DLGAP2: variants seen among roughly 807,000 people sequenced by gnomAD.
DLGAP2 encodes the protein DLG associated protein 2.
Under a neutral mutation model 100.3 loss-of-function variants are expected in DLGAP2, and 26 were observed. The observed-to-expected ratio is 0.26, with a 90% CI of 0.19 to 0.36. DLGAP2 has a LOEUF of 0.36. Ranked by LOEUF, DLGAP2 falls within the 10% of genes least tolerant of loss-of-function variation. The probability of loss-of-function intolerance (pLI) is 1.00; values close to 1 mark genes in which losing one functional copy is unlikely to be tolerated. For missense variants in DLGAP2, 1,858 were observed against 1,453.2 expected, an observed-to-expected ratio of 1.28 and a Z score of -4.53; for synonymous variants, 886 against 630.1, an observed-to-expected ratio of 1.41 and a Z score of -6.08.
chr8:1,487,525 C>G lies in DLGAP2; in HGVS notation c.107-13841C>G, dbSNP rs566559865. On this transcript the variant is annotated intron_variant, in intron 3 of 14. Coordinates refer to ENST00000637795, the MANE Select transcript of DLGAP2 (RefSeq NM_001346810.2). ...TTCCATTCTGTAGGACAACTGAATG[C>G]AGGTTTAAAACAGTGCTACTGAAGT... Among the ~76,000 whole-genome samples, 18 of 152,266 alleles carry G rather than the reference C, an allele frequency of 1.2e-4. 1 individual carries two copies. Among genetic ancestry groups the G allele is most frequent in the Admixed American group, 1.1e-3 (17 of 15,302 alleles).
At chr8:791,986 C>T (rs563065046) in intron 1 of DLGAP2, among the ~76,000 whole-genome samples, 9 of 152,250 alleles carry the variant, frequency 5.9e-5, no homozygotes, top group East Asian at 1.9e-4. Context: ...GCTGTCACTG[C>T]GTTAAGCAAG....
At chr8:1,494,176 T>C (rs897855277) in intron 3 of DLGAP2, among the ~76,000 whole-genome samples, 22 of 152,248 alleles carry the variant, frequency 1.4e-4, no homozygotes, top group African/African-American at 5.3e-4. Flanking sequence ...ATAATACTAT[T>C]GTTTCCTTTT....
intron 2 of DLGAP2, among the ~76,000 whole-genome samples, chr8:1,189,677 C>T (rs1008824141): frequency 2.0e-5 from 3 of 152,204 alleles, no homozygotes; most frequent in Admixed American, 1.3e-4. Flanking sequence ...ATGACAGGGC[C>T]GAGTTTTCCC....
At position 1,702,383 on chromosome 8, in the gene DLGAP2, A is replaced by T. The variant is rs1029608243; in HGVS notation, c.*977A>T. 7 of 152,612 alleles carry T rather than the reference A, an allele frequency of 4.6e-5. No homozygotes were observed. The highest frequency in any genetic ancestry group is 1.0e-4 in the Non-Finnish European group (7 of 68,032). The allele number at this position is 152,612 out of a possible 1,614,324, so 9.5% of individuals were successfully genotyped here. On this transcript the variant is annotated 3_prime_UTR_variant, in exon 15 of 15. Coordinates refer to ENST00000637795, the MANE Select transcript of DLGAP2 (RefSeq NM_001346810.2). ...TCCTTAAAAAAAAACACACACGAAAAACAAAAGTTTGCTTGTTTAAAATGA... is the reference window on the plus strand; with the variant it reads ...TCCTTAAAAAAAAACACACACGAAATACAAAAGTTTGCTTGTTTAAAATGA...
At chr8:1,337,881 C>G (rs1245541565) in intron 3 of DLGAP2, among the ~76,000 whole-genome samples, 1 of 152,200 alleles carries the variant, frequency 6.6e-6, no homozygotes, top group East Asian at 1.9e-4. Context: ...GGGCAAAATA[C>G]TTGAATAAAC....
chr8:1,322,186 T>G (rs181241616), intron 3 of DLGAP2, among the ~76,000 whole-genome samples: 1 of 152,340 alleles, frequency 6.6e-6, no homozygotes, highest in East Asian at 1.9e-4. Flanking sequence ...TTCTTTAATT[T>G]TGAATTAATT....
At chr8:1,492,980 T>C (rs1799436055) in intron 3 of DLGAP2, among the ~76,000 whole-genome samples, 1 of 152,094 alleles carries the variant, frequency 6.6e-6, no homozygotes, top group Non-Finnish European at 1.5e-5. Context: ...GTAGCATTCC[T>C]TGGGGAGGAT....
intron 2 of DLGAP2, among the ~76,000 whole-genome samples, chr8:1,197,837 G>C (rs1797785936): frequency 6.6e-6 from 1 of 152,190 alleles, no homozygotes; most frequent in African/African-American, 2.4e-5. Flanking sequence ...TCCCTCCCAT[G>C]GGGGATGAGT....
At chr8:1,217,380 C>T (rs563821406) in intron 2 of DLGAP2, among the ~76,000 whole-genome samples, 1 of 152,208 alleles carries the variant, frequency 6.6e-6, no homozygotes, top group East Asian at 1.9e-4. Context: ...ATGTTGATTC[C>T]ATGTCTTTGC....
chr8:1,073,141 T>G (rs1803487055), intron 2 of DLGAP2, among the ~76,000 whole-genome samples: 1 of 152,206 alleles, frequency 6.6e-6, no homozygotes, highest in African/African-American at 2.4e-5. Context: ...CGATCTGGCT[T>G]CCAGGTCTGT....
chr8:930,871 A>AT, intron 2 of DLGAP2, among the ~76,000 whole-genome samples: 1 of 152,192 alleles, frequency 6.6e-6, no homozygotes, highest in South Asian at 2.1e-4. Flanking sequence ...CGCCTTGCTC[A>AT]TGGAAATCCC....
chr8:1,089,598 G>T (rs1804104687), intron 2 of DLGAP2, among the ~76,000 whole-genome samples: 1 of 152,208 alleles, frequency 6.6e-6, no homozygotes. Context: ...CTCAGAGTTG[G>T]GTTGGAAGTA....
intron 3 of DLGAP2, among the ~76,000 whole-genome samples, chr8:1,359,942 C>G (rs1454601416): frequency 6.6e-6 from 1 of 152,180 alleles, no homozygotes; most frequent in Non-Finnish European, 1.5e-5. Flanking sequence ...TAAACAGGAC[C>G]GTCCTGAGTT....
chr8:1,547,985 C>T (rs1346502932), intron 4 of DLGAP2, among the ~76,000 whole-genome samples: 3 of 152,208 alleles, frequency 2.0e-5, no homozygotes, highest in Non-Finnish European at 2.9e-5. Flanking sequence ...TTAAGCTGTA[C>T]GACAAAACTG....
chr8:972,141 A>G (rs1405631466), intron 2 of DLGAP2, among the ~76,000 whole-genome samples: 1 of 152,242 alleles, frequency 6.6e-6, no homozygotes, highest in Non-Finnish European at 1.5e-5. Context: ...ACCTACATCT[A>G]TAGCAGACAT....
intron 2 of DLGAP2, chr8:1,001,973 T>C (rs1414817489): frequency 6.6e-6 from 1 of 152,250 alleles, no homozygotes; most frequent in African/African-American, 2.4e-5. Context: ...TTGACTCTTT[T>C]CTGAAAGGTT....
chr8:1,341,131 A>AGTAG (rs1801407493), intron 3 of DLGAP2, among the ~76,000 whole-genome samples: 1 of 152,212 alleles, frequency 6.6e-6, no homozygotes. Context: ...ACTAATTGAT[A>AGTAG]GTAGGCTTAA....
At chr8:1,470,775 A>ACCCCCCCAGGCTTTCCCGACCCCT (rs1563168449) in intron 3 of DLGAP2, among the ~76,000 whole-genome samples, 2 of 75,982 alleles carry the variant, frequency 2.6e-5, no homozygotes, top group African/African-American at 4.1e-5. Context: ...GCCTTTCCCG[A>ACCCCCCCAGGCTTTCCCGACCCCT]CTCCCCCAGC....
In DLGAP2 at chr8:1,312,626, C is replaced by T. The variant is rs116060646; in HGVS notation, c.106+53743C>T. Reference sequence around the variant, plus strand: ...GCAGCGTTGCGAATGTATTTAATGACGCATAATTACACACTTAAAATGAGT... The same window carrying T: ...GCAGCGTTGCGAATGTATTTAATGATGCATAATTACACACTTAAAATGAGT... On this transcript the variant is annotated intron_variant, in intron 3 of 14. Transcript: ENST00000637795. 2.1e-3 allele frequency among the ~76,000 whole-genome samples: 314 copies of T among 152,202 alleles called. 1 individual carries two copies. Among genetic ancestry groups the T allele is most frequent in the African/African-American group, 6.9e-3 (287 of 41,522 alleles).
Sources: allele counts gnomAD v4.1 joint callset (sites outside exome capture counted in the v4.1 genomes callset), GRCh38; gene constraint gnomAD v4.1.1; transcripts MANE v1.5; gene names NCBI Gene and HGNC (gene_info 2026-07-23, HGNC 2026-07-21).